CD1B: variants seen among roughly 807,000 people sequenced by gnomAD.
CD1B encodes the protein CD1b molecule.
A neutral mutation model predicts 39.8 loss-of-function variants in CD1B; 43 were observed. The ratio of observed to expected loss-of-function variants is 1.08; its 90% CI spans 0.85 to 1.39. The LOEUF is 1.39. CD1B is among the 40% of genes most tolerant of loss of function. The probability of loss-of-function intolerance (pLI) is 0.00; values close to 1 mark genes in which losing one functional copy is unlikely to be tolerated. For synonymous variants in CD1B, 192 were observed against 152.5 expected (o/e 1.26, Z -1.91); for missense variants, 495 against 403.8 (o/e 1.23, Z -1.94).
At chr1:158,313,564 C>G in the CD1B span, among the ~76,000 whole-genome samples, 1 of 152,200 alleles carries the variant, frequency 6.6e-6, no homozygotes, top group Admixed American at 6.5e-5. Context: ...CCCTCCTTGG[C>G]TTCCCAAAGT....
the CD1B span, among the ~76,000 whole-genome samples, chr1:158,304,457 T>A: frequency 1.3e-5 from 2 of 152,108 alleles, no homozygotes; most frequent in African/African-American, 4.8e-5. Flanking sequence ...GAATGGGGTG[T>A]AGCCCACCGC....
chr1:158,328,399 T>C (rs1167765687), intron 5 of CD1B, 142 bp from the exon 6 acceptor site: 6 of 597,132 alleles, frequency 1.0e-5, no homozygotes, highest in South Asian at 2.5e-5. Flanking sequence ...AAATGTGTTA[T>C]ACGCATATGG....
At chr1:158,316,041 T>C in the CD1B span, among the ~76,000 whole-genome samples, 1 of 152,066 alleles carries the variant, frequency 6.6e-6, no homozygotes, top group Non-Finnish European at 1.5e-5. Flanking sequence ...TCCAGTACCA[T>C]GCTGTTTTGG....
chr1:158,330,976 A>C lies in CD1B; in HGVS notation c.148T>G (p.Leu50Val). Reference protein sequence around the residue: ...TWAQTQGSGWLDDLQIHGWDS... With the variant: ...TWAQTQGSGWVDDLQIHGWDS... ...CAGCCATGAATCTGCAAATCATCCAACCAGCCTGAGCCTTGAGTTTGTGCC... is the reference window on the plus strand; with the variant it reads ...CAGCCATGAATCTGCAAATCATCCACCCAGCCTGAGCCTTGAGTTTGTGCC... Residue 50 changes from leucine to valine, a missense_variant, in exon 2 of 6, where the codon TTG becomes GTG. Physicochemically the swap from Leu to Val is conservative, Grantham distance 32 (BLOSUM62 1). Transcript: ENST00000368168. The C allele has an allele frequency of 6.2e-7, 1 of 1,614,124 alleles. No individual in the cohort carries two copies.
chr1:158,326,162 T>C (rs550415993), downstream of CD1B, among the ~76,000 whole-genome samples: 110 of 152,034 alleles, frequency 7.2e-4, 1 homozygote, highest in African/African-American at 2.6e-3. Flanking sequence ...TTAGTAGAGA[T>C]GGGGTTTCAC....
chr1:158,301,240 A>G, the CD1B span, among the ~76,000 whole-genome samples: 1 of 151,968 alleles, frequency 6.6e-6, no homozygotes, highest in African/African-American at 2.4e-5. Flanking sequence ...TTGACTCTTT[A>G]TCCAATTTGT....
chr1:158,291,367 A>G, the CD1B span: 4 of 1,614,140 alleles, frequency 2.5e-6, no homozygotes, highest in Non-Finnish European at 3.4e-6. Flanking sequence ...AACTCGGGAG[A>G]TTCAAGACCA....
chr1:158,291,160 G>C, the CD1B span: 1 of 1,606,298 alleles, frequency 6.2e-7, no homozygotes, highest in Non-Finnish European at 8.5e-7. Flanking sequence ...CTCCTTCCAT[G>C]TCATCCAGAT....
At chr1:158,313,197 C>T in the CD1B span, among the ~76,000 whole-genome samples, 3 of 152,102 alleles carry the variant, frequency 2.0e-5, no homozygotes, top group African/African-American at 4.8e-5. Context: ...GGAATGAATG[C>T]CACTTGATTT....
At chr1:158,321,583 T>A in the CD1B span, among the ~76,000 whole-genome samples, 1 of 152,220 alleles carries the variant, frequency 6.6e-6, no homozygotes, top group Non-Finnish European at 1.5e-5. Context: ...GATCCTTCCT[T>A]CTTTTCTACC....
chr1:158,296,171 AC>A, the CD1B span, among the ~76,000 whole-genome samples: 2 of 149,618 alleles, frequency 1.3e-5, no homozygotes, highest in Non-Finnish European at 3.0e-5. Context: ...CTTTTCTGGG[AC>A]CCCCCCACCC....
At chr1:158,313,854 G>T in the CD1B span, among the ~76,000 whole-genome samples, 3 of 151,926 alleles carry the variant, frequency 2.0e-5, no homozygotes, top group South Asian at 2.1e-4. Context: ...CTCATTATTG[G>T]CCTGTTTGAA....
the CD1B span, among the ~76,000 whole-genome samples, chr1:158,293,786 T>G: frequency 6.6e-6 from 1 of 152,206 alleles, no homozygotes. Flanking sequence ...GTGTTGCAGC[T>G]ACTTGAGTCT....
At chr1:158,326,806 T>C (rs1373452337), downstream of CD1B, among the ~76,000 whole-genome samples, 2 of 151,944 alleles carry the variant, frequency 1.3e-5, no homozygotes, top group South Asian at 4.1e-4. Flanking sequence ...ATTATTATTA[T>C]TATTTTTGGA....
At chr1:158,292,383 C>G in the CD1B span, 169 of 1,602,664 alleles carry the variant, frequency 1.1e-4, no homozygotes, top group African/African-American at 2.1e-3. Flanking sequence ...GTTTCAGCCC[C>G]TTCCTCTAAG....
At chr1:158,300,435 G>A in the CD1B span, among the ~76,000 whole-genome samples, 1 of 152,148 alleles carries the variant, frequency 6.6e-6, no homozygotes, top group Non-Finnish European at 1.5e-5. Flanking sequence ...ATGATGTGGT[G>A]CTGAGAAGAA....
chr1:158,297,460 A>T, the CD1B span, among the ~76,000 whole-genome samples: 2 of 152,252 alleles, frequency 1.3e-5, no homozygotes, highest in Non-Finnish European at 2.9e-5. Context: ...ACATGGAAAT[A>T]AAAGACTCTT....
At chr1:158,288,629 G>A in the CD1B span, among the ~76,000 whole-genome samples, 1 of 152,228 alleles carries the variant, frequency 6.6e-6, no homozygotes, top group Non-Finnish European at 1.5e-5. Context: ...CTGGGCTCAA[G>A]TGATCTTCCC....
the CD1B span, among the ~76,000 whole-genome samples, chr1:158,311,041 C>G: frequency 6.6e-6 from 1 of 152,118 alleles, no homozygotes; most frequent in Non-Finnish European, 1.5e-5. Flanking sequence ...TCAAATGTAG[C>G]TGCCGAACCT....
Sources: allele counts gnomAD v4.1 joint callset (sites outside exome capture counted in the v4.1 genomes callset), GRCh38; gene constraint gnomAD v4.1.1; transcripts MANE v1.5; gene names NCBI Gene and HGNC (gene_info 2026-07-23, HGNC 2026-07-21).